The following CNTNAP5 variants were observed in gnomAD, a reference collection of about 807,000 sequenced individuals.
CNTNAP5 encodes contactin associated protein family member 5, also known as contactin-associated protein-like 5.
A neutral mutation model predicts 150.2 loss-of-function variants in CNTNAP5; 72 were observed. That is an observed-to-expected ratio of 0.48 (90% CI 0.40 to 0.58). The LOEUF (loss-of-function observed/expected upper bound fraction) is 0.58, where lower values mean the gene tolerates loss of function less well. CNTNAP5 is among the 20% of genes least tolerant of loss of function. The probability of loss-of-function intolerance (pLI) is 0.00; values close to 1 mark genes in which losing one functional copy is unlikely to be tolerated. For missense variants in CNTNAP5, 1,636 were observed against 1,626.2 expected (o/e 1.01, Z -0.10); for synonymous variants, 672 against 619.8 (o/e 1.08, Z -1.25).
intron 3 of CNTNAP5, among the ~76,000 whole-genome samples, chr2:124,406,640 C>G (rs1487751185): frequency 6.6e-6 from 1 of 152,150 alleles, no homozygotes; most frequent in African/African-American, 2.4e-5. Context: ...GTGCAAAGAT[C>G]AAGTCAGGGT....
At chr2:124,441,417 G>C (rs1267549206) in intron 5 of CNTNAP5, among the ~76,000 whole-genome samples, 1 of 151,900 alleles carries the variant, frequency 6.6e-6, no homozygotes, top group Admixed American at 6.6e-5. Context: ...GCATTCTTCA[G>C]TTTTATCCGC....
intron 10 of CNTNAP5, among the ~76,000 whole-genome samples, chr2:124,560,618 G>A (rs1695869593): frequency 8.1e-6 from 1 of 124,164 alleles, no homozygotes; most frequent in African/African-American, 2.7e-5. Flanking sequence ...TCTGTTAGTT[G>A]AATGTAAGAG....
At chr2:124,432,249 G>A (rs1299405010) in intron 4 of CNTNAP5, among the ~76,000 whole-genome samples, 5 of 152,198 alleles carry the variant, frequency 3.3e-5, no homozygotes, top group African/African-American at 1.2e-4. Flanking sequence ...GACACCATGT[G>A]TGGTATGTCT....
At chr2:124,726,879 G>A (rs1241020199) in intron 13 of CNTNAP5, among the ~76,000 whole-genome samples, 1 of 151,580 alleles carries the variant, frequency 6.6e-6, no homozygotes, top group Admixed American at 6.6e-5. Flanking sequence ...TGTTGTCTGT[G>A]CTTTTGGGGT....
At chr2:124,130,345 C>T (rs930808226) in intron 1 of CNTNAP5, among the ~76,000 whole-genome samples, 1 of 151,758 alleles carries the variant, frequency 6.6e-6, no homozygotes, top group Non-Finnish European at 1.5e-5. Flanking sequence ...GCCCTGTTGC[C>T]AAATCTCTGG....
intron 1 of CNTNAP5, among the ~76,000 whole-genome samples, chr2:124,053,600 T>A (rs747673778): frequency 6.6e-6 from 1 of 152,190 alleles, no homozygotes; most frequent in Non-Finnish European, 1.5e-5. Flanking sequence ...GAGAAAACCA[T>A]GGCAATAACG....
chr2:124,808,342 A>G (rs778418239), intron 19 of CNTNAP5, among the ~76,000 whole-genome samples: 2 of 152,160 alleles, frequency 1.3e-5, no homozygotes, highest in Non-Finnish European at 2.9e-5. Flanking sequence ...ACGGTGGCTC[A>G]TGCTTGTAAT....
intron 3 of CNTNAP5, among the ~76,000 whole-genome samples, chr2:124,361,620 C>T (rs548826870): frequency 0.014 from 2,014 of 139,178 alleles, 103 homozygotes; most frequent in African/African-American, 0.049. Context: ...TTAGGCTGCT[C>T]GGGGGTCAGG....
chr2:124,133,693 G>A lies in CNTNAP5; in HGVS notation c.83-88012G>A, dbSNP rs184135016. Reference sequence around the variant, plus strand: ...AGTGCTTTTTTTCCCTCTGCAGTTGGAACAGATCTGTGATTATGTCAGGGA... The same window carrying A: ...AGTGCTTTTTTTCCCTCTGCAGTTGAAACAGATCTGTGATTATGTCAGGGA... On this transcript the variant is annotated intron_variant, in intron 1 of 23. Coordinates refer to ENST00000682447, the MANE Select transcript of CNTNAP5 (RefSeq NM_001367498.1). 6.6e-5 allele frequency among the ~76,000 whole-genome samples: 10 copies of A among 152,028 alleles called. No individual in the cohort carries two copies. In the East Asian group the frequency reaches 1.6e-3, roughly 24 times the overall value.
chr2:124,703,323 C>G (rs879673341), intron 13 of CNTNAP5, among the ~76,000 whole-genome samples: 1 of 151,502 alleles, frequency 6.6e-6, no homozygotes, highest in Admixed American at 6.6e-5. Context: ...ACAATATTTG[C>G]TATTTCTGGA....
intron 3 of CNTNAP5, among the ~76,000 whole-genome samples, chr2:124,267,417 T>A (rs768263202): frequency 3.9e-5 from 6 of 152,152 alleles, no homozygotes; most frequent in Non-Finnish European, 8.8e-5. Context: ...TATTCCCCTG[T>A]GACCAACAAC....
intron 1 of CNTNAP5, among the ~76,000 whole-genome samples, chr2:124,164,263 G>T (rs1227645990): frequency 6.6e-6 from 1 of 152,086 alleles, no homozygotes; most frequent in Non-Finnish European, 1.5e-5. Context: ...TAATAAATCT[G>T]AATAATTTAC....
intron 3 of CNTNAP5, among the ~76,000 whole-genome samples, chr2:124,297,623 C>T (rs1475170623): frequency 6.6e-6 from 1 of 151,858 alleles, no homozygotes; most frequent in Non-Finnish European, 1.5e-5. Flanking sequence ...AGCTGATATA[C>T]TCTTCTGATT....
chr2:124,514,457 T>C (rs1694660548), intron 8 of CNTNAP5, among the ~76,000 whole-genome samples: 1 of 152,228 alleles, frequency 6.6e-6, no homozygotes, highest in Admixed American at 6.5e-5. Flanking sequence ...TATTTTTTAC[T>C]TTGACAATTT....
chr2:124,320,037 C>T (rs1029417508), intron 3 of CNTNAP5, among the ~76,000 whole-genome samples: 6 of 152,202 alleles, frequency 3.9e-5, no homozygotes, highest in Non-Finnish European at 7.3e-5. Flanking sequence ...AAATCTTCCA[C>T]GGTACAGGTA....
chr2:124,468,230 G>T (rs943599973), intron 6 of CNTNAP5, among the ~76,000 whole-genome samples: 2 of 152,124 alleles, frequency 1.3e-5, no homozygotes, highest in African/African-American at 4.8e-5. Context: ...ACAAGGTGAA[G>T]CCCCATGGTA....
Position 124,520,872 on chromosome 2 carries a change from T to G in CNTNAP5, c.1328-3431T>G, listed in dbSNP as rs150602144. The stretch of plus-strand genomic sequence containing the variant: ...AGGTGATTTCTCCCTAACTTGTGAA[T>G]AATTAATAGCACTTCCACTTTTACC... On this transcript the variant is annotated intron_variant, in intron 8 of 23. Transcript: ENST00000682447. Among the ~76,000 whole-genome samples the G allele has an allele frequency of 1.4e-3, 218 of 152,352 alleles. 1 individual carries two copies. The highest frequency in any genetic ancestry group is 0.012 in the Admixed American group (185 of 15,304).
intron 17 of CNTNAP5, among the ~76,000 whole-genome samples, chr2:124,774,811 T>G (rs1353659906): frequency 6.6e-6 from 1 of 152,236 alleles, no homozygotes; most frequent in Non-Finnish European, 1.5e-5. Context: ...GCAAAATTTA[T>G]GTAGCTACAA....
intron 8 of CNTNAP5, 147 bp downstream of exon 8, chr2:124,504,703 A>ATTTTT (rs34518488): frequency 1.6e-5 from 6 of 370,668 alleles, no homozygotes; most frequent in South Asian, 7.1e-5. Flanking sequence ...AAGAGGCAGC[A>ATTTTT]TTTTTTTTTT....
Sources: allele counts gnomAD v4.1 joint callset (sites outside exome capture counted in the v4.1 genomes callset), GRCh38; gene constraint gnomAD v4.1.1; transcripts MANE v1.5; gene names NCBI Gene and HGNC (gene_info 2026-07-23, HGNC 2026-07-21).